SIPA1L1: variants seen among roughly 807,000 people sequenced by gnomAD.
SIPA1L1 encodes signal-induced proliferation-associated 1-like protein 1.
In SIPA1L1, 26 loss-of-function variants were observed where a neutral mutation model predicts 162.7. The observed-to-expected ratio is 0.16, with a 90% confidence interval of 0.12 to 0.22. The LOEUF is 0.22. Among genes scored for constraint, SIPA1L1 ranks in the 10% least tolerant of loss-of-function variants. The pLI, the probability that SIPA1L1 is intolerant of heterozygous loss-of-function variation, is 1.00. For synonymous variants in SIPA1L1, 829 were observed against 837.4 expected, an observed-to-expected ratio of 0.99 and a Z score of 0.17; for missense variants, 1,874 against 2,241.0, an observed-to-expected ratio of 0.84 and a Z score of 3.31.
chr14:71,655,470 C>A (rs1366557279), intron 8 of SIPA1L1, among the ~76,000 whole-genome samples: 1 of 152,054 alleles, frequency 6.6e-6, no homozygotes, highest in Non-Finnish European at 1.5e-5. Flanking sequence ...ATTTCTTTTC[C>A]TTTGAGTAGA....
intron 4 of SIPA1L1, among the ~76,000 whole-genome samples, chr14:71,563,707 C>T (rs2056971010): frequency 6.6e-6 from 1 of 152,216 alleles, no homozygotes; most frequent in African/African-American, 2.4e-5. Context: ...ACACTATCTT[C>T]TTTACTGAAC....
chr14:71,525,591 A>G (rs1426413913), intron 3 of SIPA1L1, among the ~76,000 whole-genome samples: 1 of 152,226 alleles, frequency 6.6e-6, no homozygotes, highest in African/African-American at 2.4e-5. Flanking sequence ...TCATAATGTG[A>G]AAACATGTCA....
intron 13 of SIPA1L1, among the ~76,000 whole-genome samples, chr14:71,689,147 A>C (rs986194017): frequency 1.3e-5 from 2 of 152,226 alleles, no homozygotes; most frequent in African/African-American, 4.8e-5. Flanking sequence ...TTTAATATCA[A>C]GGTCAGGATT....
chr14:71,450,459 T>TA (rs540221378), intron 2 of SIPA1L1, among the ~76,000 whole-genome samples: 210 of 152,320 alleles, frequency 1.4e-3, no homozygotes, highest in Non-Finnish European at 2.5e-3. Flanking sequence ...TCTATATCAT[T>TA]AAGTGTTCAG....
At chr14:71,422,162 T>C (rs1326547345) in intron 2 of SIPA1L1, among the ~76,000 whole-genome samples, 1 of 152,222 alleles carries the variant, frequency 6.6e-6, no homozygotes, top group African/African-American at 2.4e-5. Context: ...ATAATAATTA[T>C]ACCAGCTGAA....
intron 2 of SIPA1L1, among the ~76,000 whole-genome samples, chr14:71,484,951 A>C (rs900320804): frequency 2.0e-5 from 3 of 152,198 alleles, no homozygotes; most frequent in Non-Finnish European, 4.4e-5. Flanking sequence ...TTCTGCAGTC[A>C]GTAGACTTCT....
In SIPA1L1 at chr14:71,329,082, T is replaced by C. The variant is rs561807295; in HGVS notation, c.-465+7901T>C. Among the ~76,000 whole-genome samples, 19 of 152,360 alleles carry C rather than the reference T, an allele frequency of 1.2e-4. No individual in the cohort carries two copies. The South Asian group carries it at 3.9e-3, about 32-fold the overall frequency. ...GCATAAAATCCTCAAGGTTCATCAA[T>C]GTTTGTAGCATGTGACAGGATTTCT... On this transcript the variant is annotated intron_variant, in intron 2 of 23. Transcript: ENST00000381232.
chr14:71,642,674 A>G (rs1365882468), intron 7 of SIPA1L1, among the ~76,000 whole-genome samples: 1 of 152,216 alleles, frequency 6.6e-6, no homozygotes, highest in African/African-American at 2.4e-5. Flanking sequence ...CTGACAGTCA[A>G]TCATTTAATT....
At chr14:71,462,472 C>T (rs1167404751) in intron 2 of SIPA1L1, among the ~76,000 whole-genome samples, 1 of 152,130 alleles carries the variant, frequency 6.6e-6, no homozygotes, top group Non-Finnish European at 1.5e-5. Context: ...AGTAACACAC[C>T]CACATGAGGA....
intron 4 of SIPA1L1, among the ~76,000 whole-genome samples, chr14:71,581,875 C>A (rs2033980473): frequency 6.6e-6 from 1 of 152,188 alleles, no homozygotes; most frequent in African/African-American, 2.4e-5. Flanking sequence ...TTTCTACTTA[C>A]TACCTTTTAC....
At chr14:71,604,729 C>T (rs1183088368) in intron 5 of SIPA1L1, among the ~76,000 whole-genome samples, 10 of 151,912 alleles carry the variant, frequency 6.6e-5, no homozygotes, top group Non-Finnish European at 1.2e-4. Context: ...TTCCCATTCT[C>T]TACTGGCTTA....
chr14:71,556,725 T>C (rs2056385057), intron 4 of SIPA1L1, among the ~76,000 whole-genome samples: 1 of 152,262 alleles, frequency 6.6e-6, no homozygotes, highest in Non-Finnish European at 1.5e-5. Context: ...TGTTCACCTC[T>C]CCAGAAGCTC....
At chr14:71,336,857 G>T (rs1158373662) in intron 2 of SIPA1L1, among the ~76,000 whole-genome samples, 1 of 152,092 alleles carries the variant, frequency 6.6e-6, no homozygotes, top group Non-Finnish European at 1.5e-5. Flanking sequence ...GCTCTGATCT[G>T]TGACCAAGCT....
chr14:71,724,398 T>A (rs2084035573), intron 18 of SIPA1L1, among the ~76,000 whole-genome samples: 1 of 152,268 alleles, frequency 6.6e-6, no homozygotes, highest in Non-Finnish European at 1.5e-5. Context: ...GGTCGTTTAG[T>A]AAATCTGTTG....
chr14:71,728,272 T>A (rs1255472564), intron 19 of SIPA1L1, among the ~76,000 whole-genome samples: 1 of 152,180 alleles, frequency 6.6e-6, no homozygotes, highest in African/African-American at 2.4e-5. Flanking sequence ...TTAAGAAAAT[T>A]ACAGTTAGCA....
intron 2 of SIPA1L1, among the ~76,000 whole-genome samples, chr14:71,477,150 A>G (rs907863629): frequency 6.6e-6 from 1 of 152,112 alleles, no homozygotes; most frequent in African/African-American, 2.4e-5. Flanking sequence ...AATCTCAGCT[A>G]CTCGGGAGGC....
chr14:71,564,490 C>CTTT (rs370431365), intron 4 of SIPA1L1, among the ~76,000 whole-genome samples: 1,663 of 97,772 alleles, frequency 0.017, 129 homozygotes, highest in Non-Finnish European at 0.025. Flanking sequence ...CATTTTCTTT[C>CTTT]TTTTTTTTTT....
intron 2 of SIPA1L1, among the ~76,000 whole-genome samples, chr14:71,333,412 T>C (rs796963784): frequency 3.8e-4 from 58 of 152,238 alleles, no homozygotes; most frequent in South Asian, 8.3e-4. Context: ...ATTTCATGGC[T>C]TTATAAAGTG....
chr14:71,325,770 A>G (rs1342071536), intron 2 of SIPA1L1, among the ~76,000 whole-genome samples: 1 of 152,124 alleles, frequency 6.6e-6, no homozygotes, highest in Non-Finnish European at 1.5e-5. Context: ...CTGGGATGAG[A>G]AATTTCAACC....
Sources: gnomAD v4.1 joint callset for allele counts (sites outside exome capture counted in the v4.1 genomes callset) on GRCh38, gnomAD v4.1.1 for gene constraint, MANE v1.5 for transcripts, NCBI Gene and HGNC (gene_info 2026-07-23, HGNC 2026-07-21) for gene names.